Variants in SLIT3 observed in about 807,000 individuals in gnomAD.
SLIT3 encodes slit guidance ligand 3, also known as slit homolog 3 protein.
Under a neutral mutation model 184.0 loss-of-function variants are expected in SLIT3, and 68 were observed. The ratio of observed to expected loss-of-function variants is 0.37; its 90% CI spans 0.30 to 0.45. The LOEUF is 0.45. Ranked by LOEUF, SLIT3 falls within the 20% of genes least tolerant of loss-of-function variation. SLIT3 has a pLI of 1.00. For missense variants in SLIT3, 1,707 were observed against 2,026.0 expected, an observed-to-expected ratio of 0.84 and a Z score of 3.02; for synonymous variants, 831 against 828.6, an observed-to-expected ratio of 1.00 and a Z score of -0.05.
At chr5:168,812,377 A>C (rs1310268298) in intron 8 of SLIT3, among the ~76,000 whole-genome samples, 1 of 152,242 alleles carries the variant, frequency 6.6e-6, no homozygotes, top group African/African-American at 2.4e-5. Context: ...ACACAAATGT[A>C]TGAGGTGACA....
Position 168,769,983 on chromosome 5 carries a change from G to A in SLIT3, c.1459+2798C>T, listed in dbSNP as rs184525521. Among the ~76,000 whole-genome samples, 130 of 152,256 alleles carry A rather than the reference G, an allele frequency of 8.5e-4. 2 individuals are homozygous for A. Among genetic ancestry groups the A allele is most frequent in the Admixed American group, 7.7e-3 (118 of 15,290 alleles). On this transcript the variant is annotated intron_variant, in intron 14 of 35. Transcript: ENST00000519560. The stretch of plus-strand genomic sequence containing the variant: ...CTTGAGAGCTATCTTGCTGTTCGCC[G>A]TCTTTGGACACTTTGCGTCACCACC...
chr5:168,868,369 C>T (rs1000166680), intron 5 of SLIT3, among the ~76,000 whole-genome samples: 1 of 152,166 alleles, frequency 6.6e-6, no homozygotes, highest in South Asian at 2.1e-4. Flanking sequence ...CGGCTCACTG[C>T]AACTTTGAAC....
chr5:168,914,354 T>C (rs1761365485), intron 4 of SLIT3, among the ~76,000 whole-genome samples: 1 of 152,216 alleles, frequency 6.6e-6, no homozygotes, highest in South Asian at 2.1e-4. Context: ...GCTAATGTTG[T>C]GGGCAGCCTC....
intron 4 of SLIT3, among the ~76,000 whole-genome samples, chr5:169,121,036 A>G (rs547199688): frequency 3.3e-5 from 5 of 152,310 alleles, no homozygotes; most frequent in East Asian, 1.9e-4. Flanking sequence ...TACAGAGGCT[A>G]AAGTTAGAGA....
intron 5 of SLIT3, among the ~76,000 whole-genome samples, chr5:168,856,802 TGTGTGC>T (rs1156270616): frequency 4.0e-4 from 57 of 143,182 alleles, no homozygotes; most frequent in Middle Eastern, 3.6e-3. Context: ...TGTGTGTGTG[TGTGTGC>T]GCGCGCGCGC....
At chr5:169,294,646 G>A (rs533176098) in intron 1 of SLIT3, among the ~76,000 whole-genome samples, 50 of 152,338 alleles carry the variant, frequency 3.3e-4, no homozygotes, top group African/African-American at 1.2e-3. Flanking sequence ...GAATAGTTCA[G>A]GGAGGGCTCC....
chr5:169,063,927 T>C (rs909244903), intron 4 of SLIT3, among the ~76,000 whole-genome samples: 13 of 152,244 alleles, frequency 8.5e-5, no homozygotes, highest in Admixed American at 6.5e-4. Context: ...GCCGTATTTA[T>C]GCATGAAATC....
chr5:169,148,781 A>C (rs756569682), intron 4 of SLIT3, among the ~76,000 whole-genome samples: 5 of 152,216 alleles, frequency 3.3e-5, no homozygotes, highest in Non-Finnish European at 7.3e-5. Context: ...GGAGTGGATA[A>C]AATTTAAACA....
intron 4 of SLIT3, among the ~76,000 whole-genome samples, chr5:169,078,284 T>C (rs1344380383): frequency 6.6e-6 from 1 of 152,196 alleles, no homozygotes; most frequent in Non-Finnish European, 1.5e-5. Context: ...CTATTCTCCT[T>C]TCTACGCTCT....
chr5:168,930,276 T>C lies in SLIT3; in HGVS notation c.414-46940A>G, dbSNP rs148289530. 6.6e-3 allele frequency among the ~76,000 whole-genome samples: 1,008 copies of C among 152,324 alleles called. 7 individuals carry two copies. Among genetic ancestry groups the C allele is most frequent in the Non-Finnish European group, 0.011 (730 of 68,016 alleles). On this transcript the variant is annotated intron_variant, in intron 4 of 35. Transcript: ENST00000519560. The stretch of plus-strand genomic sequence containing the variant: ...GGAAAGTGGGGAGAGCCATACGCTG[T>C]AAGGAGGGCTATCAGTGAGGAGGAG...
chr5:168,703,913 C>A (rs1388693575), intron 26 of SLIT3, among the ~76,000 whole-genome samples: 1 of 145,188 alleles, frequency 6.9e-6, no homozygotes, highest in Admixed American at 7.0e-5. Context: ...CCACTGCACT[C>A]CAGCCTGGCA....
intron 4 of SLIT3, among the ~76,000 whole-genome samples, chr5:169,090,370 C>G (rs146955410): frequency 6.6e-6 from 1 of 152,294 alleles, no homozygotes; most frequent in Non-Finnish European, 1.5e-5. Context: ...CAGATGGAAG[C>G]CAGCTGACAT....
At position 168,786,062 on chromosome 5, in the gene SLIT3, C is replaced by T. The variant is rs186002535; in HGVS notation, c.1080-84G>A. ...TCCTGCAGGAAGCCATCACCTCGGC[C>T]AGTTCTGGGTATGAGATCTCAGGAC... On this transcript the variant is annotated intron_variant, in intron 11 of 35. Transcript: ENST00000519560. 3.6e-4 allele frequency: 327 copies of T among 906,730 alleles called. No individual in the cohort carries two copies. The African/African-American group carries it at 3.8e-3, about 11-fold the overall frequency. The allele number at this position is 906,730 out of a possible 1,614,324, so 56.2% of individuals were successfully genotyped here. A position where few individuals can be genotyped will look rare whatever the true frequency, so the allele number is the denominator to read the frequency against.
At chr5:168,932,947 C>T (rs367785554) in intron 4 of SLIT3, among the ~76,000 whole-genome samples, 11 of 152,298 alleles carry the variant, frequency 7.2e-5, no homozygotes, top group South Asian at 4.1e-4. Context: ...TCCTTGTCTT[C>T]GGAAGCTTAC....
At chr5:168,975,709 T>C (rs1754730851) in intron 4 of SLIT3, among the ~76,000 whole-genome samples, 1 of 152,228 alleles carries the variant, frequency 6.6e-6, no homozygotes, top group Non-Finnish European at 1.5e-5. Context: ...CATTCTTCCC[T>C]GGATTTTCCC....
chr5:168,963,041 T>C (rs1281097103), intron 4 of SLIT3, among the ~76,000 whole-genome samples: 1 of 152,244 alleles, frequency 6.6e-6, no homozygotes, highest in Non-Finnish European at 1.5e-5. Flanking sequence ...TTTAGTTTCT[T>C]ACTTACTTTT....
At chr5:169,135,510 A>T (rs1312946421) in intron 4 of SLIT3, among the ~76,000 whole-genome samples, 1 of 152,172 alleles carries the variant, frequency 6.6e-6, no homozygotes, top group Non-Finnish European at 1.5e-5. Context: ...AACATGAAAT[A>T]GCACAGAAAC....
chr5:168,878,555 G>A (rs974478219), intron 5 of SLIT3, among the ~76,000 whole-genome samples: 11 of 152,214 alleles, frequency 7.2e-5, no homozygotes, highest in Admixed American at 4.6e-4. Context: ...GTAGACAGAA[G>A]TGTCCATGGC....
chr5:169,229,630 T>A lies in SLIT3; in HGVS notation c.341+15075A>T, dbSNP rs186898333. Among the ~76,000 whole-genome samples the A allele has an allele frequency of 7.2e-4, 104 of 143,750 alleles. 1 individual carries two copies. Among genetic ancestry groups the A allele is most frequent in the African/African-American group, 2.8e-3 (100 of 36,082 alleles). 94.3% of individuals were successfully genotyped at this position (143,750 alleles called of 152,430 possible). A position where few individuals can be genotyped will look rare whatever the true frequency, so the allele number is the denominator to read the frequency against. Reference sequence around the variant, plus strand: ...GAGTAAAAATGTAAAGCGTACTTAGTCAAATAAATTCTTCTCTCTCTCTCT... The same window carrying A: ...GAGTAAAAATGTAAAGCGTACTTAGACAAATAAATTCTTCTCTCTCTCTCT... On this transcript the variant is annotated intron_variant, in intron 3 of 35. Transcript: ENST00000519560.
Sources: gnomAD v4.1 joint callset for allele counts (sites outside exome capture counted in the v4.1 genomes callset) on GRCh38, gnomAD v4.1.1 for gene constraint, MANE v1.5 for transcripts, NCBI Gene and HGNC (gene_info 2026-07-23, HGNC 2026-07-21) for gene names.